LRP1B: variants seen among roughly 807,000 people sequenced by gnomAD.
The protein encoded by LRP1B is LDL receptor related protein 1B, also known as low-density lipoprotein receptor-related protein 1B.
LRP1B carries 217 observed loss-of-function variants against 556.6 expected under a neutral mutation model. That is an observed-to-expected ratio of 0.39 (90% CI 0.35 to 0.44). The LOEUF (loss-of-function observed/expected upper bound fraction) is 0.44, where lower values mean the gene tolerates loss of function less well. LRP1B is among the 20% of genes least tolerant of loss of function. LRP1B has a pLI of 1.00. For synonymous variants in LRP1B, 2,047 were observed against 1,865.8 expected (o/e 1.10, Z -2.50); for missense variants, 5,053 against 5,620.8 (o/e 0.90, Z 3.23).
chr2:140,568,100 G>A (rs1369076439), intron 43 of LRP1B, among the ~76,000 whole-genome samples: 2 of 150,586 alleles, frequency 1.3e-5, no homozygotes, highest in Admixed American at 6.6e-5. Context: ...TACCAAAGGA[G>A]CAAAATAACT....
chr2:140,949,023 G>T (rs975080572), intron 20 of LRP1B, among the ~76,000 whole-genome samples: 3 of 152,142 alleles, frequency 2.0e-5, no homozygotes, highest in Non-Finnish European at 2.9e-5. Context: ...TATCTTATAG[G>T]TTGACAAATA....
intron 6 of LRP1B, among the ~76,000 whole-genome samples, chr2:141,200,767 C>A (rs1681974169): frequency 6.6e-6 from 1 of 152,022 alleles, no homozygotes; most frequent in Non-Finnish European, 1.5e-5. Flanking sequence ...GAATATAAGC[C>A]CCATATGAGC....
chr2:140,403,599 G>T (rs1203651284), intron 66 of LRP1B, among the ~76,000 whole-genome samples: 1 of 151,948 alleles, frequency 6.6e-6, no homozygotes, highest in African/African-American at 2.4e-5. Flanking sequence ...CAAAAGAAAT[G>T]AACAAAGTCT....
At chr2:140,802,231 A>T (rs1690540601) in intron 32 of LRP1B, among the ~76,000 whole-genome samples, 1 of 152,152 alleles carries the variant, frequency 6.6e-6, no homozygotes, top group South Asian at 2.1e-4. Context: ...TTTGGCTATC[A>T]AAATCACTAG....
rs1381358626 is a variant in LRP1B at position 140,613,400 on chromosome 2, A to ATATAATTATATACATATAAATATATAT, written c.6800-11762_6800-11761insATATATATTTATATGTATATAATTATA. On this transcript the variant is annotated intron_variant, in intron 41 of 90. Transcript: ENST00000389484. ...ATATAATTATATACATATAAATATA[A>ATATAATTATATACATATAAATATATAT]ATAATTATATACATATAAATATATA... Among the ~76,000 whole-genome samples the ATATAATTATATACATATAAATATATAT allele has an allele frequency of 2.0e-3, 168 of 84,364 alleles. 9 individuals are homozygous for ATATAATTATATACATATAAATATATAT. The highest frequency in any genetic ancestry group is 3.3e-3 in the Non-Finnish European group (124 of 37,420). The allele number at this position is 84,364 out of a possible 152,430, so 55.3% of individuals were successfully genotyped here.
At chr2:141,115,358 C>T (rs931433101) in intron 7 of LRP1B, among the ~76,000 whole-genome samples, 2 of 152,024 alleles carry the variant, frequency 1.3e-5, no homozygotes, top group African/African-American at 2.4e-5. Flanking sequence ...ACCCTGGACA[C>T]TACTGCTACT....
In LRP1B at chr2:141,096,679, A is replaced by AGGGAGAGAGAGAGAGAGAGG. The variant is rs1558858372; in HGVS notation, c.1014-34407_1014-34406insCCTCTCTCTCTCTCTCTCCC. Reference sequence around the variant, plus strand: ...GAGAGAGAGAGAGAGAGAGAGAGAGAGAGAGAGAGAGAAAATAAATAAATA... The same window carrying AGGGAGAGAGAGAGAGAGAGG: ...GAGAGAGAGAGAGAGAGAGAGAGAGAGGGAGAGAGAGAGAGAGAGGGAGAGAGAGAGAAAATAAATAAATA... On this transcript the variant is annotated intron_variant, in intron 7 of 90. Transcript: ENST00000389484. Among the ~76,000 whole-genome samples, 41 of 88,506 alleles carry AGGGAGAGAGAGAGAGAGAGG rather than the reference A, an allele frequency of 4.6e-4. 9 individuals are homozygous for AGGGAGAGAGAGAGAGAGAGG. The highest frequency in any genetic ancestry group is 1.1e-3 in the East Asian group (2 of 1,806). The allele number at this position is 88,506 out of a possible 152,430, so 58.1% of individuals were successfully genotyped here.
intron 8 of LRP1B, 119 bp downstream of exon 8, chr2:141,061,932 T>A: frequency 1.3e-6 from 1 of 746,346 alleles, no homozygotes; most frequent in Non-Finnish European, 2.3e-6. Flanking sequence ...GGAAATATAC[T>A]GTAATTTTTA....
chr2:142,128,590 T>C (rs1707740058), intron 1 of LRP1B, among the ~76,000 whole-genome samples: 1 of 152,228 alleles, frequency 6.6e-6, no homozygotes, highest in Non-Finnish European at 1.5e-5. Flanking sequence ...TTTTCACTTT[T>C]GGTAACTGTG....
intron 44 of LRP1B, 42 bp from the exon 45 acceptor site, chr2:140,541,140 T>C (rs1031738644): frequency 8.0e-6 from 12 of 1,507,242 alleles, no homozygotes; most frequent in Non-Finnish European, 1.1e-5. Context: ...TATATCGAAT[T>C]CCTGTTCTAT....
intron 41 of LRP1B, among the ~76,000 whole-genome samples, chr2:140,614,057 C>T (rs1199243306): frequency 1.3e-5 from 2 of 152,038 alleles, no homozygotes; most frequent in Non-Finnish European, 2.9e-5. Context: ...CTAGTAGACA[C>T]AGCTGGCCTA....
chr2:141,093,048 TTG>T (rs1700211084), intron 7 of LRP1B, among the ~76,000 whole-genome samples: 1 of 134,556 alleles, frequency 7.4e-6, no homozygotes, highest in Non-Finnish European at 1.6e-5. Flanking sequence ...GACTTTTTTG[TTG>T]TTTTTTTTTT....
intron 2 of LRP1B, among the ~76,000 whole-genome samples, chr2:141,707,432 G>A (rs1034591518): frequency 1.1e-4 from 17 of 152,032 alleles, no homozygotes; most frequent in African/African-American, 4.1e-4. Flanking sequence ...TGAATTTGTA[G>A]TATTATCACT....
chr2:140,626,311 T>C (rs1683655823), intron 41 of LRP1B, among the ~76,000 whole-genome samples: 1 of 152,138 alleles, frequency 6.6e-6, no homozygotes, highest in African/African-American at 2.4e-5. Flanking sequence ...CATTATATAT[T>C]TGTTGAAAGT....
intron 2 of LRP1B, among the ~76,000 whole-genome samples, chr2:141,644,406 G>C (rs963144795): frequency 6.6e-6 from 1 of 152,034 alleles, no homozygotes; most frequent in Admixed American, 6.6e-5. Flanking sequence ...ATGATAGTGA[G>C]GGCGCCCAGC....
intron 2 of LRP1B, among the ~76,000 whole-genome samples, chr2:141,689,933 CATAAAAT>C (rs1021060884): frequency 2.3e-4 from 35 of 151,706 alleles, no homozygotes; most frequent in African/African-American, 8.2e-4. Flanking sequence ...GCTGAATAAA[CATAAAAT>C]ATGGAGATAT....
intron 83 of LRP1B, among the ~76,000 whole-genome samples, chr2:140,306,451 A>G (rs1228197432): frequency 2.0e-5 from 3 of 151,930 alleles, no homozygotes; most frequent in East Asian, 1.9e-4. Flanking sequence ...AGAGGTGTTT[A>G]TAGTATTCTC....
rs906592660 is a variant in LRP1B, at chr2:141,317,544, A to C, written c.344-62903T>G. Among the ~76,000 whole-genome samples, 9 of 152,302 alleles carry C rather than the reference A, an allele frequency of 5.9e-5. No homozygotes were observed. In the East Asian group the frequency reaches 1.7e-3, roughly 29 times the overall value. On this transcript the variant is annotated intron_variant, in intron 3 of 90. Transcript: ENST00000389484. ...AAGTAGAGTCACATTAGGAGTTAGG[A>C]CTTCAACATATGCTTTGGGGTTGAG...
intron 2 of LRP1B, among the ~76,000 whole-genome samples, chr2:141,736,241 G>C (rs758498624): frequency 2.0e-5 from 3 of 152,136 alleles, no homozygotes; most frequent in Non-Finnish European, 4.4e-5. Context: ...TGCATCTGTG[G>C]CCACAGAAGT....
Sources: gnomAD v4.1 joint callset for allele counts (sites outside exome capture counted in the v4.1 genomes callset) on GRCh38, gnomAD v4.1.1 for gene constraint, MANE v1.5 for transcripts, NCBI Gene and HGNC (gene_info 2026-07-23, HGNC 2026-07-21) for gene names.